NAALADL2: variants seen among roughly 807,000 people sequenced by gnomAD.
NAALADL2 encodes the protein N-acetylated alpha-linked acidic dipeptidase like 2, also known as inactive N-acetylated-alpha-linked acidic dipeptidase-like protein 2.
In NAALADL2, 76 loss-of-function variants were observed where a neutral mutation model predicts 87.2. The observed-to-expected ratio is 0.87, with a 90% CI of 0.72 to 1.05. The LOEUF (loss-of-function observed/expected upper bound fraction) is 1.05, where lower values mean the gene tolerates loss of function less well. Ranked by LOEUF, NAALADL2 falls within the 50% of genes least tolerant of loss-of-function variation. NAALADL2 has a pLI of 0.00. For missense variants in NAALADL2, 1,089 were observed against 945.8 expected (o/e 1.15, Z -1.99); for synonymous variants, 354 against 331.0 (o/e 1.07, Z -0.75).
intron 2 of NAALADL2, among the ~76,000 whole-genome samples, chr3:174,621,548 A>G (rs1260326547): frequency 6.6e-6 from 1 of 152,142 alleles, no homozygotes; most frequent in Admixed American, 6.5e-5. Context: ...AGGTCTATAT[A>G]TATAGACCTC....
At chr3:175,738,572 G>T (rs1043470546) in intron 12 of NAALADL2, among the ~76,000 whole-genome samples, 2 of 151,886 alleles carry the variant, frequency 1.3e-5, no homozygotes, top group Admixed American at 1.3e-4. Context: ...TACCTGGATT[G>T]TTTCTTACTC....
chr3:175,078,708 T>G (rs1249901680), intron 1 of NAALADL2, among the ~76,000 whole-genome samples: 2 of 152,250 alleles, frequency 1.3e-5, no homozygotes, highest in Non-Finnish European at 2.9e-5. Context: ...TGTGACTGAC[T>G]TCTTTCACGT....
chr3:175,376,646 CTG>C (rs1767161466), intron 5 of NAALADL2, among the ~76,000 whole-genome samples: 9 of 151,994 alleles, frequency 5.9e-5, no homozygotes, highest in Admixed American at 5.9e-4. Flanking sequence ...GGTTTGTGGA[CTG>C]TTATGTTTCA....
chr3:175,450,837 A>G (rs1721454775), intron 6 of NAALADL2, among the ~76,000 whole-genome samples: 2 of 152,312 alleles, frequency 1.3e-5, no homozygotes, highest in South Asian at 4.1e-4. Flanking sequence ...AAGTCTGGCC[A>G]AGACTCAGTT....
Position 174,590,802 on chromosome 3 carries a change from T to C in NAALADL2, c.-115+40165T>C, listed in dbSNP as rs528099630. Among the ~76,000 whole-genome samples, 188 of 152,214 alleles carry C rather than the reference T, an allele frequency of 1.2e-3. 2 individuals carry two copies. The highest frequency in any genetic ancestry group is 4.3e-3 in the African/African-American group (180 of 41,530). On this transcript the variant is annotated intron_variant, in intron 2 of 3. Transcript: ENST00000434257. ...TTGTTGTTGTTGGTATGAGGATTAA[T>C]TGAGATAATGCATGGAAACTTTTGT...
At chr3:175,089,865 C>A (rs184841054) in intron 1 of NAALADL2, among the ~76,000 whole-genome samples, 148 of 152,240 alleles carry the variant, frequency 9.7e-4, no homozygotes, top group Middle Eastern at 3.4e-3. Flanking sequence ...TGTAGACAAC[C>A]CTCTTTGCTA....
intron 4 of NAALADL2, chr3:175,256,953 T>C (rs1314471260): frequency 2.6e-5 from 4 of 152,398 alleles, no homozygotes; most frequent in Non-Finnish European, 4.4e-5. Flanking sequence ...GACAAGTATC[T>C]AGATGATTTA....
intron 1 of NAALADL2, among the ~76,000 whole-genome samples, chr3:174,899,249 C>T (rs1485268935): frequency 6.6e-6 from 1 of 151,900 alleles, no homozygotes. Context: ...AGAAGAAAGA[C>T]ATGAAAGAGA....
At chr3:174,983,440 A>G (rs7625836) in intron 1 of NAALADL2, among the ~76,000 whole-genome samples, 2 of 152,108 alleles carry the variant, frequency 1.3e-5, no homozygotes, top group South Asian at 2.1e-4. Flanking sequence ...CTTAGTCCCA[A>G]TGGGCTGCTA....
At chr3:175,774,636 C>T (rs982046664) in intron 13 of NAALADL2, among the ~76,000 whole-genome samples, 1 of 151,750 alleles carries the variant, frequency 6.6e-6, no homozygotes, top group Non-Finnish European at 1.5e-5. Context: ...AAAAAATACC[C>T]TGTGGTTGTG....
chr3:175,564,009 C>T (rs553191538), intron 9 of NAALADL2, among the ~76,000 whole-genome samples: 1 of 152,336 alleles, frequency 6.6e-6, no homozygotes, highest in South Asian at 2.1e-4. Context: ...GGACATATTA[C>T]TGCTGATGGC....
chr3:175,035,421 T>G lies in NAALADL2; in HGVS notation c.44-61369T>G, dbSNP rs1481991349. On this transcript the variant is annotated intron_variant, in intron 1 of 13. Transcript: ENST00000454872. Reference sequence around the variant, plus strand: ...CAGGGTGCCATCAGTAGGAGAGCAATATAAGATAAGACCAAATGTGGAGGG... The same window carrying G: ...CAGGGTGCCATCAGTAGGAGAGCAAGATAAGATAAGACCAAATGTGGAGGG... 2.6e-4 allele frequency among the ~76,000 whole-genome samples: 39 copies of G among 152,126 alleles called. No individual in the cohort carries two copies. In the South Asian group the frequency reaches 8.1e-3, roughly 32 times the overall value.
chr3:175,226,248 G>A (rs1744142736), intron 2 of NAALADL2, among the ~76,000 whole-genome samples: 1 of 152,094 alleles, frequency 6.6e-6, no homozygotes, highest in South Asian at 2.1e-4. Flanking sequence ...AATGTATAAA[G>A]AATCTGTTTT....
At chr3:174,924,946 G>A (rs1735774286) in intron 1 of NAALADL2, among the ~76,000 whole-genome samples, 1 of 152,078 alleles carries the variant, frequency 6.6e-6, no homozygotes, top group South Asian at 2.1e-4. Flanking sequence ...ATTTGTTTAA[G>A]TTCTTTGTAG....
intron 9 of NAALADL2, among the ~76,000 whole-genome samples, chr3:175,475,453 G>T (rs1408842706): frequency 6.6e-6 from 1 of 152,172 alleles, no homozygotes; most frequent in Non-Finnish European, 1.5e-5. Flanking sequence ...ATCACAGAAT[G>T]TATTGATTTT....
At chr3:174,851,881 G>A (rs916639758) in intron 3 of NAALADL2, among the ~76,000 whole-genome samples, 2 of 152,036 alleles carry the variant, frequency 1.3e-5, no homozygotes, top group South Asian at 2.1e-4. Flanking sequence ...CACTTATCAA[G>A]AACAAGTGGG....
At chr3:174,875,726 A>G (rs1355959825) in intron 1 of NAALADL2, among the ~76,000 whole-genome samples, 2 of 152,146 alleles carry the variant, frequency 1.3e-5, no homozygotes, top group African/African-American at 4.8e-5. Context: ...TGTTTATAAC[A>G]TTGTAACAAA....
At chr3:175,043,729 A>T (rs1237968211) in intron 1 of NAALADL2, among the ~76,000 whole-genome samples, 1 of 152,076 alleles carries the variant, frequency 6.6e-6, no homozygotes. Flanking sequence ...CTCTTCTGTT[A>T]GTCTATGTGT....
chr3:174,522,495 A>G (rs1448164927), intron 1 of NAALADL2, among the ~76,000 whole-genome samples: 1 of 151,940 alleles, frequency 6.6e-6, no homozygotes, highest in East Asian at 1.9e-4. Context: ...CATCTCTCCA[A>G]AAAAAAGAAA....
Sources: gnomAD v4.1 joint callset for allele counts (sites outside exome capture counted in the v4.1 genomes callset) on GRCh38, gnomAD v4.1.1 for gene constraint, MANE v1.5 for transcripts, NCBI Gene and HGNC (gene_info 2026-07-23, HGNC 2026-07-21) for gene names.